The following AGRN variants were observed in gnomAD, a reference collection of about 807,000 sequenced individuals.
The protein encoded by AGRN is agrin proteoglycan.
AGRN carries 106 observed loss-of-function variants against 211.0 expected under a neutral mutation model. The observed-to-expected ratio is 0.50, with a 90% CI of 0.43 to 0.59. The LOEUF is 0.59. Among genes scored for constraint, AGRN ranks in the 20% least tolerant of loss-of-function variants. The pLI, the probability that AGRN is intolerant of heterozygous loss-of-function variation, is 0.00. For missense variants in AGRN, 3,040 were observed against 2,982.6 expected (o/e 1.02, Z -0.45); for synonymous variants, 1,525 against 1,332.5 (o/e 1.14, Z -3.15).
rs200243468 is a variant in AGRN at position 1,045,729 on chromosome 1, A to C, written c.2537-4A>C. ...ATCACGTTCCTCCCCGATTTTCCCC[A>C]AAGCCTGCAGCTGTGATCCCCAAGG... On this transcript the variant is annotated splice_polypyrimidine_tract_variant and splice_region_variant and intron_variant, in intron 14 of 35. Transcript: ENST00000379370. The C allele has an allele frequency of 5.1e-5, 82 of 1,613,160 alleles. No individual in the cohort carries two copies. Among genetic ancestry groups the C allele is most frequent in the Admixed American group, 2.5e-4 (15 of 59,998 alleles).
Position 1,049,220 on chromosome 1 carries a change from C to T in AGRN, c.4299-16C>T. The T allele has an allele frequency of 6.4e-7, 1 of 1,560,950 alleles. No homozygotes were observed. On this transcript the variant is annotated splice_polypyrimidine_tract_variant and intron_variant, in intron 24 of 35. Coordinates refer to ENST00000379370, the MANE Select transcript of AGRN (RefSeq NM_198576.4). ...GGGGCCGGGCGATGGTCCTGAGCACCTGCTCCTGCCCTCAGGTTTGACACA... is the reference window on the plus strand; with the variant it reads ...GGGGCCGGGCGATGGTCCTGAGCACTTGCTCCTGCCCTCAGGTTTGACACA...
chr1:1,033,782 CCCAG>C (rs1644731310), intron 2 of AGRN, among the ~76,000 whole-genome samples: 1 of 146,592 alleles, frequency 6.8e-6, no homozygotes, highest in African/African-American at 2.5e-5. Context: ...CCGGCCCAGC[CCCAG>C]CCCCAGCGCT....
chr1:1,052,553 GTA>G (rs1385535951), intron 33 of AGRN: 5 of 210,798 alleles, frequency 2.4e-5, no homozygotes, highest in Non-Finnish European at 3.8e-5. Context: ...GTATGTGTGT[GTA>G]TATGAGGGAG....
chr1:1,020,476 G>T (rs941905760), intron 1 of AGRN, 103 bp downstream of exon 1: 9 of 1,167,654 alleles, frequency 7.7e-6, no homozygotes, highest in African/African-American at 6.5e-5. Context: ...CGCAGCCCCC[G>T]CTCCGGCTCC....
Position 1,055,111 on chromosome 1 carries a change from A to G in AGRN, c.*130A>G. Reference sequence around the variant, plus strand: ...GGCCCGGCCTCCCTTCCGTCCAGGCAGCCGTGCTGCAGACAGACCTAGTGC... The same window carrying G: ...GGCCCGGCCTCCCTTCCGTCCAGGCGGCCGTGCTGCAGACAGACCTAGTGC... On this transcript the variant is annotated 3_prime_UTR_variant, in exon 36 of 36. Transcript: ENST00000379370. 4 of 1,431,932 alleles carry G rather than the reference A, an allele frequency of 2.8e-6. No homozygotes were observed. The highest frequency in any genetic ancestry group is 3.8e-6 in the Non-Finnish European group (4 of 1,056,470). The allele number at this position is 1,431,932 out of a possible 1,614,324, so 88.7% of individuals were successfully genotyped here. A position where few individuals can be genotyped will look rare whatever the true frequency, so the allele number is the denominator to read the frequency against.
At position 1,047,795 on chromosome 1, in the gene AGRN, C is replaced by T. The variant is rs777055497; in HGVS notation, c.3651C>T (p.Pro1217=). 8.1e-6 allele frequency: 13 copies of T among 1,604,218 alleles called. No homozygotes were observed. The highest frequency in any genetic ancestry group is 2.7e-5 in the African/African-American group (2 of 74,716). ...HFDPTTAFRA[P]DVARALLRQI... is the part of the protein sequence containing the mutation. ...CCCCAGCCACAGCCTTCAGGGCACC[C>T]GACGTGGCCCGGGCCCTGCTCCGGC... The change falls in exon 22 of 36, where the codon CCC becomes CCT. Residue 1217 remains proline, a synonymous_variant. Transcript: ENST00000379370.
At chr1:1,023,298 T>A (rs1240243184) in intron 2 of AGRN, among the ~76,000 whole-genome samples, 1 of 152,150 alleles carries the variant, frequency 6.6e-6, no homozygotes. Flanking sequence ...GGGGTCCTTG[T>A]GGGGTCCTGG....
In AGRN at chr1:1,051,786, T is replaced by TGTCG; in HGVS notation, c.5623_5626dup (p.Glu1876GlyfsTer20). The stretch of plus-strand genomic sequence containing the variant: ...CCTTGGCCTTTGACGGGCGGACCTT[T>TGTCG]GTCGAGTACCTCAACGCTGTGACCG... On this transcript the variant is annotated frameshift_variant, in exon 33 of 36. Transcript: ENST00000379370. LOFTEE classifies it high-confidence loss of function. 1 of 1,613,816 alleles carries TGTCG rather than the reference T, an allele frequency of 6.2e-7. No homozygotes were observed. The highest frequency in any genetic ancestry group is 8.5e-7 in the Non-Finnish European group (1 of 1,179,974).
Position 1,045,459 on chromosome 1 carries a change from C to T in AGRN, c.2472C>T (p.Asp824=), listed in dbSNP as rs1382541963. Reference sequence around the variant, plus strand: ...CAGGTGTGGGGGGCCTCAGGTGTGACCGCTGTGAGCCTGGCTTCTGGAACT... The same window carrying T: ...CAGGTGTGGGGGGCCTCAGGTGTGATCGCTGTGAGCCTGGCTTCTGGAACT... ...CRPGVGGLRC[D]RCEPGFWNFR... The change falls in exon 14 of 36, where the codon GAC becomes GAT. Residue 824 remains aspartate, a synonymous_variant. Transcript: ENST00000379370. 2 of 1,612,726 alleles carry T rather than the reference C, an allele frequency of 1.2e-6. No individual in the cohort carries two copies. Among genetic ancestry groups the T allele is most frequent in the Non-Finnish European group, 1.7e-6 (2 of 1,179,956 alleles).
At position 1,043,612 on chromosome 1, in the gene AGRN, G is replaced by A. The variant is rs761396188; in HGVS notation, c.1678G>A (p.Val560Met). 1.9e-5 allele frequency: 31 copies of A among 1,604,508 alleles called. No homozygotes were observed. Among genetic ancestry groups the A allele is most frequent in the Middle Eastern group, 3.3e-4 (2 of 6,084 alleles). ...TGRCVCPSEC[V>M]ALAQPVCGSD... ...GCGCTGCGTGTGCCCCTCTGAATGC[G>A]TGGCTTTGGCCCAGCCCGTGTGTGG... The change falls in exon 9 of 36, where the codon GTG (valine) becomes ATG (methionine). Residue 560 changes from valine to methionine, a missense_variant. By Grantham distance (21) the Val-to-Met change is conservative (BLOSUM62 1). Transcript: ENST00000379370.
rs540390242 is a variant in AGRN at position 1,049,048 on chromosome 1, C to T, written c.4287C>T (p.Arg1429=). The change falls in exon 24 of 36, where the codon CGC becomes CGT. Residue 1429 remains arginine (R), a synonymous_variant. Coordinates refer to ENST00000379370, the MANE Select transcript of AGRN (RefSeq NM_198576.4). ...TGGCATTGGCGCTGCTAGATGGCCG[C>T]GTGCAGCTCAGGTGGGCGGGGAGGG... The part of the protein sequence containing the change: ...DFLALALLDG[R]VQLRFDTGSG... The T allele has an allele frequency of 9.3e-5, 143 of 1,544,450 alleles. No individual in the cohort carries two copies. Among genetic ancestry groups the T allele is most frequent in the Non-Finnish European group, 1.1e-4 (129 of 1,148,950 alleles).
Position 1,051,765 on chromosome 1 carries a change from G to A in AGRN, c.5601G>A (p.Leu1867=), listed in dbSNP as rs1202933885. The A allele has an allele frequency of 6.2e-7, 1 of 1,613,764 alleles. No individual in the cohort carries two copies. Among genetic ancestry groups the A allele is most frequent in the Non-Finnish European group, 8.5e-7 (1 of 1,179,984 alleles). Residue 1867 remains leucine, a synonymous_variant, in exon 33 of 36, where the codon TTG becomes TTA. Transcript: ENST00000379370. ...AGTCAGCGGGGGACGTGGATACCTT[G>A]GCCTTTGACGGGCGGACCTTTGTCG... ...VEKSAGDVDT[L]AFDGRTFVEY... is the part of the protein sequence containing the mutation.
At chr1:1,036,868 C>G (rs750692968) in intron 3 of AGRN, among the ~76,000 whole-genome samples, 8 of 152,156 alleles carry the variant, frequency 5.3e-5, no homozygotes, top group Non-Finnish European at 1.2e-4. Context: ...GTCCCCCTTC[C>G]TGAGACTCAG....
In AGRN at chr1:1,020,390, C is replaced by T. The variant is rs2100556027; in HGVS notation, c.201+17C>T. On this transcript the variant is annotated intron_variant, in intron 1 of 35. Coordinates refer to ENST00000379370, the MANE Select transcript of AGRN (RefSeq NM_198576.4). ...TCCTGCAAGGTGCGCCCACCCGGAC[C>T]CCGGCCTCCCCTCGCGACGCCTGCC... The T allele has an allele frequency of 1.3e-6, 2 of 1,490,354 alleles. No individual in the cohort carries two copies. The highest frequency in any genetic ancestry group is 2.9e-5 in the East Asian group (1 of 34,390). The allele number at this position is 1,490,354 out of a possible 1,614,324, so 92.3% of individuals were successfully genotyped here. A position where few individuals can be genotyped will look rare whatever the true frequency, so the allele number is the denominator to read the frequency against.
At chr1:1,023,026 A>G (rs917912678) in intron 2 of AGRN, among the ~76,000 whole-genome samples, 1 of 152,152 alleles carries the variant, frequency 6.6e-6, no homozygotes, top group African/African-American at 2.4e-5. Context: ...CAGAAATCCC[A>G]TGGCAGCCCC....
intron 33 of AGRN, chr1:1,052,473 T>C (rs1645326226): frequency 3.6e-6 from 1 of 279,914 alleles, no homozygotes; most frequent in South Asian, 3.4e-5. Context: ...CATGGCTCCA[T>C]GTATGTGTGT....
chr1:1,050,069 G>A lies in AGRN; in HGVS notation c.4879+32G>A, dbSNP rs2799067. On this transcript the variant is annotated intron_variant, in intron 27 of 35. Coordinates refer to ENST00000379370, the MANE Select transcript of AGRN (RefSeq NM_198576.4). ...GGCGTGGGGCTCTCGGGGCAGGGGG[G>A]GGGGGGGGGTTGAACGTTTGGGCGG... The A allele has an allele frequency of 0.54, 662,243 of 1,231,314 alleles. 167,007 individuals carry two copies. The highest frequency in any genetic ancestry group is 0.57 in the Non-Finnish European group (513,608 of 905,686). 76.3% of individuals were successfully genotyped at this position (1,231,314 alleles called of 1,614,324 possible).
At position 1,049,387 on chromosome 1, in the gene AGRN, A is replaced by G. The variant is rs2100676449; in HGVS notation, c.4450A>G (p.Thr1484Ala). ...TPVLGESPSG[T>A]DGLNLDTDLF... is the part of the protein sequence containing the mutation. ...TGTTCTGGGCGAGAGTCCCAGTGGC[A>G]CCGACGGCCTCAACCTGGACACAGA... Residue 1484 changes from threonine (T) to alanine (A), a missense_variant, in exon 25 of 36, where the codon ACC (threonine) becomes GCC (alanine). Physicochemically the swap from Thr to Ala is moderately conservative, Grantham distance 58. Coordinates refer to ENST00000379370, the MANE Select transcript of AGRN (RefSeq NM_198576.4). 2 of 1,598,502 alleles carry G rather than the reference A, an allele frequency of 1.3e-6. No homozygotes were observed. Among genetic ancestry groups the G allele is most frequent in the Non-Finnish European group, 1.7e-6 (2 of 1,179,670 alleles).
chr1:1,042,871 C>T (rs1456261820), intron 7 of AGRN, among the ~76,000 whole-genome samples: 1 of 152,060 alleles, frequency 6.6e-6, no homozygotes. Flanking sequence ...GTGCAGGCTC[C>T]TCCCACCCAC....
Sources: allele counts gnomAD v4.1 joint callset (sites outside exome capture counted in the v4.1 genomes callset), GRCh38; gene constraint gnomAD v4.1.1; transcripts MANE v1.5; gene names NCBI Gene and HGNC (gene_info 2026-07-23, HGNC 2026-07-21).